PDSS2: variants seen among roughly 807,000 people sequenced by gnomAD.
PDSS2 encodes the protein all trans-polyprenyl-diphosphate synthase PDSS2.
In PDSS2, 31 loss-of-function variants were observed where a neutral mutation model predicts 44.5. The observed-to-expected ratio is 0.70, with a 90% CI of 0.52 to 0.94. The LOEUF (loss-of-function observed/expected upper bound fraction) is 0.94, where lower values mean the gene tolerates loss of function less well. PDSS2 is among the 40% of genes least tolerant of loss of function. The pLI, the probability that PDSS2 is intolerant of heterozygous loss-of-function variation, is 0.00. For missense variants in PDSS2, 452 were observed against 482.2 expected, an observed-to-expected ratio of 0.94 and a Z score of 0.59; for synonymous variants, 157 against 180.3, an observed-to-expected ratio of 0.87 and a Z score of 1.03.
chr6:107,173,572 C>CAAAAA (rs71012783), intron 7 of PDSS2, among the ~76,000 whole-genome samples: 946 of 41,430 alleles, frequency 0.023, 193 homozygotes, highest in African/African-American at 0.037. Flanking sequence ...GACTCTGTCT[C>CAAAAA]AAAAAAAAAA....
At chr6:107,425,946 G>A (rs1780987110) in intron 1 of PDSS2, among the ~76,000 whole-genome samples, 1 of 151,068 alleles carries the variant, frequency 6.6e-6, no homozygotes. Context: ...GGGCGACAGA[G>A]CGAGACTTCG....
intron 1 of PDSS2, among the ~76,000 whole-genome samples, chr6:107,438,208 T>A (rs547989455): frequency 6.6e-5 from 10 of 152,226 alleles, no homozygotes; most frequent in African/African-American, 2.4e-4. Context: ...TCTGTTTTTA[T>A]TTTTTATTTT....
intron 1 of PDSS2, among the ~76,000 whole-genome samples, chr6:107,345,386 T>C (rs1180761532): frequency 2.0e-5 from 3 of 150,146 alleles, no homozygotes. Context: ...GTAATCAATA[T>C]TTAGTGTATG....
At chr6:107,162,236 G>A (rs11961833) in intron 7 of PDSS2, among the ~76,000 whole-genome samples, 10,920 of 152,030 alleles carry the variant, frequency 0.072, 424 homozygotes, top group African/African-American at 0.11. Flanking sequence ...AGTGGCTCAC[G>A]CCTGTAATCC....
intron 1 of PDSS2, among the ~76,000 whole-genome samples, chr6:107,453,514 C>A (rs1292386637): frequency 6.6e-6 from 1 of 151,030 alleles, no homozygotes; most frequent in Non-Finnish European, 1.5e-5. Context: ...TGTTAAAAAT[C>A]AGTTGGGCAT....
chr6:107,356,985 T>TA (rs1778613888), intron 1 of PDSS2, among the ~76,000 whole-genome samples: 2 of 152,144 alleles, frequency 1.3e-5, no homozygotes, highest in South Asian at 2.1e-4. Context: ...GGTTTAATTC[T>TA]AAAAAAATTC....
chr6:107,424,182 T>C (rs531478894), intron 1 of PDSS2, among the ~76,000 whole-genome samples: 20 of 151,636 alleles, frequency 1.3e-4, no homozygotes, highest in South Asian at 8.4e-4. Context: ...ACTGGGACCA[T>C]AGGCGAGCAT....
intron 1 of PDSS2, among the ~76,000 whole-genome samples, chr6:107,421,160 A>G (rs1481658843): frequency 1.3e-5 from 2 of 152,208 alleles, no homozygotes; most frequent in African/African-American, 2.4e-5. Flanking sequence ...ATCTATTAGA[A>G]TGGCTAAAAT....
At chr6:107,174,536 T>A (rs185961689) in intron 7 of PDSS2, among the ~76,000 whole-genome samples, 2 of 152,302 alleles carry the variant, frequency 1.3e-5, no homozygotes, top group Admixed American at 6.5e-5. Context: ...AGATTCTAGC[T>A]GATAGTGCTT....
intron 1 of PDSS2, among the ~76,000 whole-genome samples, chr6:107,394,316 G>A (rs1489603399): frequency 2.0e-5 from 3 of 152,088 alleles, no homozygotes; most frequent in African/African-American, 4.8e-5. Context: ...ACTGGCTTAC[G>A]GTTCTGCAGA....
At chr6:107,154,884 A>G in intron 7 of PDSS2, 107 bp from the exon 8 acceptor site, 1 of 953,522 alleles carries the variant, frequency 1.0e-6, no homozygotes, top group Non-Finnish European at 1.7e-6. Context: ...GAGAAATAGT[A>G]TAGATTGAGT....
chr6:107,264,614 T>C (rs1775352893), intron 3 of PDSS2: 1 of 710,790 alleles, frequency 1.4e-6, no homozygotes. Flanking sequence ...AGATGACAGG[T>C]AGTAATCCAC....
intron 1 of PDSS2, among the ~76,000 whole-genome samples, chr6:107,367,802 C>CAAAAAA (rs58861327): frequency 9.8e-6 from 1 of 101,666 alleles, no homozygotes; most frequent in East Asian, 2.8e-4. Context: ...AACTCTGTCT[C>CAAAAAA]AAAAAAAAAA....
At chr6:107,308,907 G>T (rs1776947125) in intron 2 of PDSS2, among the ~76,000 whole-genome samples, 1 of 152,230 alleles carries the variant, frequency 6.6e-6, no homozygotes, top group South Asian at 2.1e-4. Context: ...TGGAATATGG[G>T]TGGAGCACAG....
At chr6:107,281,240 T>G (rs1349852633) in intron 2 of PDSS2, among the ~76,000 whole-genome samples, 1 of 152,058 alleles carries the variant, frequency 6.6e-6, no homozygotes, top group Non-Finnish European at 1.5e-5. Flanking sequence ...GGTTTAACCC[T>G]CTTTAAGCCT....
Position 107,210,512 on chromosome 6 carries a change from T to C in PDSS2, c.935A>G (p.Asn312Ser). ...KEKTSDSMTF[N>S]LNSAPVVLHQ... Reference sequence around the variant, plus strand: ...TAAGACTACAGGAGCTGAGTTTAGATTAAAAGTCATGGAGTCACTGGTCTT... The same window carrying C: ...TAAGACTACAGGAGCTGAGTTTAGACTAAAAGTCATGGAGTCACTGGTCTT... Residue 312 changes from asparagine to serine, a missense_variant, in exon 6 of 8, where the codon AAT becomes AGT. Physicochemically the swap from Asn to Ser is conservative, Grantham distance 46. Coordinates refer to ENST00000369037, the MANE Select transcript of PDSS2 (RefSeq NM_020381.4). 1 of 1,604,538 alleles carries C rather than the reference T, an allele frequency of 6.2e-7. No individual in the cohort carries two copies.
In PDSS2 at chr6:107,412,826, A is replaced by G. The variant is rs1028010552; in HGVS notation, c.296+46164T>C. On this transcript the variant is annotated intron_variant, in intron 1 of 7. Transcript: ENST00000369037. The stretch of plus-strand genomic sequence containing the variant: ...TATTTAAATCTCTGACCCATGTAAA[A>G]TGTATCTGAGTATACAACATAAAGG... Among the ~76,000 whole-genome samples the G allele has an allele frequency of 3.9e-4, 60 of 152,186 alleles. 1 individual carries two copies. Among genetic ancestry groups the G allele is most frequent in the Admixed American group, 3.7e-3 (56 of 15,286 alleles).
intron 1 of PDSS2, among the ~76,000 whole-genome samples, chr6:107,364,772 G>A (rs59176008): frequency 0.031 from 4,790 of 152,320 alleles, 271 homozygotes; most frequent in African/African-American, 0.11. Flanking sequence ...GAGAACAAGC[G>A]AGGGCTCTGA....
At chr6:107,387,419 C>A (rs1779644593) in intron 1 of PDSS2, among the ~76,000 whole-genome samples, 2 of 152,134 alleles carry the variant, frequency 1.3e-5, no homozygotes, top group Admixed American at 6.6e-5. Flanking sequence ...CCTCAGCAAA[C>A]CTTTAACTCT....
Sources: gnomAD v4.1 joint callset for allele counts (sites outside exome capture counted in the v4.1 genomes callset) on GRCh38, gnomAD v4.1.1 for gene constraint, MANE v1.5 for transcripts, NCBI Gene and HGNC (gene_info 2026-07-23, HGNC 2026-07-21) for gene names.